FOXN3: variants seen among roughly 807,000 people sequenced by gnomAD.
FOXN3 encodes the protein forkhead box N3, also known as forkhead box protein N3.
In FOXN3, 7 loss-of-function variants were observed where a neutral mutation model predicts 38.4. The observed-to-expected ratio is 0.18, with a 90% confidence interval of 0.10 to 0.34. FOXN3 has a LOEUF of 0.34. Ranked by LOEUF, FOXN3 falls within the 10% of genes least tolerant of loss-of-function variation. FOXN3 has a pLI of 1.00. For synonymous variants in FOXN3, 230 were observed against 242.2 expected, an observed-to-expected ratio of 0.95 and a Z score of 0.47; for missense variants, 456 against 613.4, an observed-to-expected ratio of 0.74 and a Z score of 2.71.
At chr14:89,570,162 G>A (rs551001321) in intron 1 of FOXN3, among the ~76,000 whole-genome samples, 1 of 152,150 alleles carries the variant, frequency 6.6e-6, no homozygotes. Flanking sequence ...ACCACGCCCG[G>A]CTAATTTTTT....
At chr14:89,262,155 T>C (rs1216136407) in intron 4 of FOXN3, among the ~76,000 whole-genome samples, 1 of 152,070 alleles carries the variant, frequency 6.6e-6, no homozygotes, top group Non-Finnish European at 1.5e-5. Context: ...TTATTCCAAT[T>C]TGATGGCTGG....
At chr14:89,191,428 T>C (rs945524102) in intron 4 of FOXN3, among the ~76,000 whole-genome samples, 1 of 152,176 alleles carries the variant, frequency 6.6e-6, no homozygotes, top group African/African-American at 2.4e-5. Flanking sequence ...AAGTGTGCAA[T>C]TGAAGTCGAC....
In FOXN3 at chr14:89,162,383, C is replaced by T. The variant is rs1290850900; in HGVS notation, c.*31G>A. 7 of 1,498,628 alleles carry T rather than the reference C, an allele frequency of 4.7e-6. No homozygotes were observed. The highest frequency in any genetic ancestry group is 2.3e-5 in the East Asian group (1 of 43,020). 92.8% of individuals were successfully genotyped at this position (1,498,628 alleles called of 1,614,324 possible). A position where few individuals can be genotyped will look rare whatever the true frequency, so the allele number is the denominator to read the frequency against. ...TCCTGACATGCTGAAACCAAATGGTCGTAAGTTCAAAACAAATCAGTGACT... is the reference window on the plus strand; with the variant it reads ...TCCTGACATGCTGAAACCAAATGGTTGTAAGTTCAAAACAAATCAGTGACT... On this transcript the variant is annotated 3_prime_UTR_variant, in exon 6 of 6. Coordinates refer to ENST00000557258, the MANE Select transcript of FOXN3 (RefSeq NM_005197.4). This position sits in a 1 kb window ranked among gnomAD's most constrained non-coding sequence, Gnocchi z 7.2.
At chr14:89,476,307 ATCTGAATGCCAT>A (rs1332167787) in intron 1 of FOXN3, among the ~76,000 whole-genome samples, 2 of 152,112 alleles carry the variant, frequency 1.3e-5, no homozygotes, top group Non-Finnish European at 2.9e-5. Context: ...GACTGGGCCA[ATCTGAATGCCAT>A]TCTCCTTCAA....
At chr14:89,389,876 A>T (rs929862034) in intron 2 of FOXN3, among the ~76,000 whole-genome samples, 2 of 152,080 alleles carry the variant, frequency 1.3e-5, no homozygotes, top group Non-Finnish European at 1.5e-5. Flanking sequence ...GCTCTTTACA[A>T]CTACAAAATG....
At chr14:89,357,488 A>T (rs1228904890) in intron 2 of FOXN3, among the ~76,000 whole-genome samples, 1 of 152,084 alleles carries the variant, frequency 6.6e-6, no homozygotes, top group Non-Finnish European at 1.5e-5. Context: ...TGCACCTGTA[A>T]TCCCAGCTAC....
At chr14:89,196,913 T>A (rs187534676) in intron 4 of FOXN3, among the ~76,000 whole-genome samples, 1 of 152,296 alleles carries the variant, frequency 6.6e-6, no homozygotes, top group Admixed American at 6.5e-5. Flanking sequence ...ATATACCTGC[T>A]GCAAAAATGT....
rs145420268 is a variant in FOXN3 at position 89,288,047 on chromosome 14, C to T, written c.681-7033G>A. ...CTGCACTCCAGCCTGGGCAACAGAG[C>T]AAGACCCTGTCTCAAAAAAAAATAT... On this transcript the variant is annotated intron_variant, in intron 3 of 5. Coordinates refer to ENST00000557258, the MANE Select transcript of FOXN3 (RefSeq NM_005197.4). Among the ~76,000 whole-genome samples the T allele has an allele frequency of 3.4e-5, 3 of 87,818 alleles. No homozygotes were observed. In the East Asian group the frequency reaches 1.1e-3, roughly 32 times the overall value. 57.6% of individuals were successfully genotyped at this position (87,818 alleles called of 152,430 possible).
At chr14:89,363,963 T>TATATATATATATA (rs1890013920) in intron 2 of FOXN3, among the ~76,000 whole-genome samples, 2 of 27,084 alleles carry the variant, frequency 7.4e-5, no homozygotes, top group Admixed American at 4.9e-4. Context: ...TATATATATA[T>TATATATATATATA]ATATATATAT....
Position 89,192,271 on chromosome 14 carries a change from A to G in FOXN3, c.746-11465T>C, listed in dbSNP as rs186689215. On this transcript the variant is annotated intron_variant, in intron 4 of 5. Transcript: ENST00000557258. ...CCATTATATATAACAGTATATATTA[A>G]GTACTTATATATACTATATAATAAA... Among the ~76,000 whole-genome samples the G allele has an allele frequency of 3.2e-3, 467 of 146,366 alleles. 1 individual carries two copies. The highest frequency in any genetic ancestry group is 0.011 in the African/African-American group (453 of 40,186).
At chr14:89,512,966 CCT>C (rs890500383) in intron 1 of FOXN3, among the ~76,000 whole-genome samples, 32 of 151,918 alleles carry the variant, frequency 2.1e-4, no homozygotes, top group African/African-American at 7.7e-4. Flanking sequence ...TGGTGAAACC[CCT>C]GTCTCTGCTA....
At chr14:89,352,056 A>G (rs1318618795) in intron 2 of FOXN3, among the ~76,000 whole-genome samples, 1 of 152,242 alleles carries the variant, frequency 6.6e-6, no homozygotes, top group Non-Finnish European at 1.5e-5. Flanking sequence ...TTTCTGGTGC[A>G]ATGAGAATAG....
chr14:89,235,359 G>C (rs1000057938), intron 4 of FOXN3, among the ~76,000 whole-genome samples: 1 of 152,160 alleles, frequency 6.6e-6, no homozygotes, highest in Admixed American at 6.5e-5. Flanking sequence ...ACAAAGTAAA[G>C]TATAGGAGTG....
intron 4 of FOXN3, among the ~76,000 whole-genome samples, chr14:89,254,910 G>A (rs906723105): frequency 2.0e-5 from 3 of 152,136 alleles, no homozygotes; most frequent in African/African-American, 4.8e-5. Context: ...CACTAACGAC[G>A]CACTTAGCAG....
intron 1 of FOXN3, among the ~76,000 whole-genome samples, chr14:89,424,169 G>T (rs1295925749): frequency 6.6e-6 from 1 of 152,166 alleles, no homozygotes; most frequent in Non-Finnish European, 1.5e-5. Flanking sequence ...GGCACAGTGG[G>T]GCCATGTTCC....
At chr14:89,258,697 G>A (rs1182275454) in intron 4 of FOXN3, among the ~76,000 whole-genome samples, 3 of 152,150 alleles carry the variant, frequency 2.0e-5, no homozygotes, top group African/African-American at 4.8e-5. Flanking sequence ...TATTCAATGC[G>A]CTTTACCTTC....
intron 1 of FOXN3, among the ~76,000 whole-genome samples, chr14:89,566,844 T>A (rs144033406): frequency 2.6e-5 from 4 of 151,264 alleles, no homozygotes; most frequent in Admixed American, 6.6e-5. Context: ...CTCCTCCTCC[T>A]CCACCTCCTC....
At chr14:89,360,818 CACCACCTCCACCACT>C in intron 2 of FOXN3, among the ~76,000 whole-genome samples, 5 of 114,174 alleles carry the variant, frequency 4.4e-5, no homozygotes, top group African/African-American at 9.0e-5. Context: ...CCACCTCCAC[CACCACCTCCACCACT>C]ACCACCTCCA....
At chr14:89,545,543 C>G (rs969708604) in intron 1 of FOXN3, among the ~76,000 whole-genome samples, 1 of 152,172 alleles carries the variant, frequency 6.6e-6, no homozygotes, top group African/African-American at 2.4e-5. Flanking sequence ...TCCATTACAC[C>G]GTTAGTCAGT....
Sources: allele counts gnomAD v4.1 joint callset (sites outside exome capture counted in the v4.1 genomes callset), GRCh38; gene constraint gnomAD v4.1.1; non-coding constraint Gnocchi (gnomAD v3.1); transcripts MANE v1.5; gene names NCBI Gene and HGNC (gene_info 2026-07-23, HGNC 2026-07-21).